Variants in STOX2 observed in about 807,000 individuals in gnomAD.
STOX2 encodes the protein storkhead box 2.
STOX2 carries 28 observed loss-of-function variants against 60.9 expected under a neutral mutation model. The ratio of observed to expected loss-of-function variants is 0.46; its 90% CI spans 0.34 to 0.63. The LOEUF (loss-of-function observed/expected upper bound fraction) is 0.63. STOX2 is among the 30% of genes least tolerant of loss of function. STOX2 has a pLI of 0.01. For missense variants in STOX2, 1,024 were observed against 1,187.7 expected (o/e 0.86, Z 2.03); for synonymous variants, 472 against 463.9 (o/e 1.02, Z -0.22).
rs114506696 is a variant in STOX2, at chr4:183,871,031, C to T, written c.364+72976C>T. Among the ~76,000 whole-genome samples the T allele has an allele frequency of 9.6e-3, 1,465 of 152,290 alleles. 16 individuals are homozygous for T. The highest frequency in any genetic ancestry group is 0.029 in the African/African-American group (1,190 of 41,560). On this transcript the variant is annotated intron_variant, in intron 1 of 2. Transcript: ENST00000513034. ...CTGGATGGCTGCCTAAAATTATTTACGACCTTTTTATTCTTAGATGGCCTT... is the reference window on the plus strand; with the variant it reads ...CTGGATGGCTGCCTAAAATTATTTATGACCTTTTTATTCTTAGATGGCCTT...
chr4:183,996,741 C>T (rs1342490995), intron 1 of STOX2, among the ~76,000 whole-genome samples: 6 of 152,044 alleles, frequency 3.9e-5, no homozygotes, highest in Non-Finnish European at 8.8e-5. Context: ...AAAATTTACT[C>T]ATTTTTATTA....
chr4:183,928,051 G>C (rs1742296043), intron 1 of STOX2, among the ~76,000 whole-genome samples: 2 of 152,236 alleles, frequency 1.3e-5, no homozygotes, highest in Non-Finnish European at 2.9e-5. Flanking sequence ...CTTTCCAGAT[G>C]AACAGAGGTG....
intron 1 of STOX2, among the ~76,000 whole-genome samples, chr4:183,896,345 T>C (rs1011565453): frequency 6.6e-6 from 1 of 152,162 alleles, no homozygotes; most frequent in African/African-American, 2.4e-5. Context: ...GTCTTTTCCT[T>C]GTTTATCTTT....
intron 1 of STOX2, among the ~76,000 whole-genome samples, chr4:183,961,356 TTGCTGCTGCTGC>T (rs755147300): frequency 3.3e-5 from 5 of 151,592 alleles, no homozygotes; most frequent in South Asian, 2.1e-4. Flanking sequence ...CAAGTGATGG[TTGCTGCTGCTGC>T]TGCTGCTGCT....
At chr4:183,944,453 C>A (rs4861587) in intron 1 of STOX2, among the ~76,000 whole-genome samples, 24,888 of 152,224 alleles carry the variant, frequency 0.16, 3,715 homozygotes, top group East Asian at 0.45. Flanking sequence ...TGGTGGCTCA[C>A]GCCTGTAATC....
At chr4:183,990,219 A>C (rs1223240753) in intron 1 of STOX2, among the ~76,000 whole-genome samples, 1 of 152,122 alleles carries the variant, frequency 6.6e-6, no homozygotes, top group Non-Finnish European at 1.5e-5. Flanking sequence ...CATCAATTCT[A>C]CCCATCCTTA....
Position 184,017,386 on chromosome 4 carries a change from G to T in STOX2, c.*102G>T. On this transcript the variant is annotated 3_prime_UTR_variant, in exon 4 of 4. Coordinates refer to ENST00000308497, the MANE Select transcript of STOX2 (RefSeq NM_020225.3). Reference sequence around the variant, plus strand: ...TGGAAAGACAAGCATCTCAACCACAGTTTTTGTGTTTACTTAAACTGTGCT... The same window carrying T: ...TGGAAAGACAAGCATCTCAACCACATTTTTTGTGTTTACTTAAACTGTGCT... The T allele has an allele frequency of 8.2e-7, 1 of 1,212,692 alleles. No homozygotes were observed. Among genetic ancestry groups the T allele is most frequent in the Non-Finnish European group, 1.1e-6 (1 of 886,784 alleles). 75.1% of individuals were successfully genotyped at this position (1,212,692 alleles called of 1,614,324 possible).
chr4:183,814,822 A>C (rs1739114456), intron 1 of STOX2, among the ~76,000 whole-genome samples: 1 of 152,198 alleles, frequency 6.6e-6, no homozygotes, highest in Admixed American at 6.5e-5. Context: ...AATACTGTGA[A>C]TATTAATAGT....
At chr4:183,944,848 A>G (rs1742842907) in intron 1 of STOX2, among the ~76,000 whole-genome samples, 1 of 152,264 alleles carries the variant, frequency 6.6e-6, no homozygotes. Flanking sequence ...AGGCTTCTGT[A>G]TTATAAGCCT....
chr4:183,860,445 A>AAAC (rs1443737033), intron 1 of STOX2, among the ~76,000 whole-genome samples: 2,906 of 139,080 alleles, frequency 0.021, 91 homozygotes, highest in African/African-American at 0.076. Context: ...CAAAAAACAA[A>AAAC]AAAAAAAAAA....
At chr4:183,956,448 A>G (rs954132951) in intron 1 of STOX2, among the ~76,000 whole-genome samples, 42 of 141,758 alleles carry the variant, frequency 3.0e-4, no homozygotes, top group Non-Finnish European at 5.6e-4. Context: ...TCATCTATCT[A>G]TCTATCTATC....
At chr4:183,879,456 C>T (rs546928107) in intron 1 of STOX2, among the ~76,000 whole-genome samples, 8 of 152,336 alleles carry the variant, frequency 5.3e-5, no homozygotes, top group Admixed American at 2.6e-4. Flanking sequence ...GTGCATCGCA[C>T]GAGTTCACAA....
intron 1 of STOX2, among the ~76,000 whole-genome samples, chr4:183,934,098 G>C (rs927085041): frequency 5.1e-4 from 78 of 152,248 alleles, no homozygotes; most frequent in African/African-American, 1.7e-3. Flanking sequence ...GAGGTCAGGA[G>C]TTTGAGATTA....
rs11295405 is a variant in STOX2, at chr4:183,942,336, G to GTT, written c.166+35397_166+35398dup. Among the ~76,000 whole-genome samples the GTT allele has an allele frequency of 3.7e-3, 489 of 130,584 alleles. 5 individuals carry two copies. Among genetic ancestry groups the GTT allele is most frequent in the African/African-American group, 0.011 (378 of 35,098 alleles). 85.7% of individuals were successfully genotyped at this position (130,584 alleles called of 152,430 possible). A position where few individuals can be genotyped will look rare whatever the true frequency, so the allele number is the denominator to read the frequency against. ...ATATATATATGTGCCAGGCTTCTAG[G>GTT]TTTTTTTTTTTTTTTTTTAGACAAA... On this transcript the variant is annotated intron_variant, in intron 1 of 3. Coordinates refer to ENST00000308497, the MANE Select transcript of STOX2 (RefSeq NM_020225.3).
intron 1 of STOX2, among the ~76,000 whole-genome samples, chr4:183,823,704 TCCC>T (rs1739357138): frequency 2.0e-5 from 3 of 152,172 alleles, no homozygotes; most frequent in African/African-American, 4.8e-5. Context: ...CTGTCACACT[TCCC>T]AGCCCATCTG....
Position 183,821,640 on chromosome 4 carries a change from G to C in STOX2, c.364+23585G>C, listed in dbSNP as rs997543030. On this transcript the variant is annotated intron_variant, in intron 1 of 2. Transcript: ENST00000513034. The surrounding 1 kb of genome is among the most constrained non-coding windows in gnomAD (Gnocchi z 4.2). ...GCAGGCAGGTAGGCTGGGAAGGTGA[G>C]GGTTGGCAGTGTGTCCTCTTCCGGA... 2.6e-5 allele frequency among the ~76,000 whole-genome samples: 4 copies of C among 152,212 alleles called. No homozygotes were observed. Among genetic ancestry groups the C allele is most frequent in the Non-Finnish European group, 5.9e-5 (4 of 68,030 alleles).
Position 183,856,660 on chromosome 4 carries a change from TC to T in STOX2, c.364+58606del, listed in dbSNP as rs1740292848. Among the ~76,000 whole-genome samples, 1 of 152,162 alleles carries T rather than the reference TC, an allele frequency of 6.6e-6. No homozygotes were observed. Among genetic ancestry groups the T allele is most frequent in the Admixed American group, 6.5e-5 (1 of 15,274 alleles). On this transcript the variant is annotated intron_variant, in intron 1 of 2. Transcript: ENST00000513034. This position sits in a 1 kb window ranked among gnomAD's most constrained non-coding sequence, Gnocchi z 4.0. ...CGCTTTGCAGTTAGCTGTCTCGGACTCGGACCCCGGGGGATGATAGCTCCCT... is the reference window on the plus strand; with the variant it reads ...CGCTTTGCAGTTAGCTGTCTCGGACTGGACCCCGGGGGATGATAGCTCCCT...
intron 1 of STOX2, among the ~76,000 whole-genome samples, chr4:183,997,978 A>C (rs1333326777): frequency 6.6e-6 from 1 of 152,240 alleles, no homozygotes; most frequent in Non-Finnish European, 1.5e-5. Flanking sequence ...GTTTCAGCTA[A>C]ACCCATAAGG....
intron 1 of STOX2, among the ~76,000 whole-genome samples, chr4:183,881,075 G>A (rs1401443122): frequency 6.6e-6 from 1 of 152,110 alleles, no homozygotes; most frequent in Non-Finnish European, 1.5e-5. Flanking sequence ...TGCCTTCAAT[G>A]AGACTGAAGT....
Sources: allele counts gnomAD v4.1 joint callset (sites outside exome capture counted in the v4.1 genomes callset), GRCh38; gene constraint gnomAD v4.1.1; non-coding constraint Gnocchi (gnomAD v3.1); transcripts MANE v1.5; gene names NCBI Gene and HGNC (gene_info 2026-07-23, HGNC 2026-07-21).